Variants in GPC3 observed in about 807,000 individuals in gnomAD.
GPC3 encodes glypican 3.
A neutral mutation model predicts 34.4 loss-of-function variants in GPC3; 3 were observed. That is an observed-to-expected ratio of 0.09 (90% CI 0.04 to 0.23). The LOEUF (loss-of-function observed/expected upper bound fraction) is 0.23, where lower values mean the gene tolerates loss of function less well. Ranked by LOEUF, GPC3 falls within the 10% of genes least tolerant of loss-of-function variation. The pLI is 1.00. For synonymous variants in GPC3, 177 were observed against 174.0 expected (o/e 1.02, Z -0.13); for missense variants, 351 against 445.6 (o/e 0.79, Z 1.91).
At chrX:133,593,743 G>C (rs1230550914) in intron 7 of GPC3, among the ~76,000 whole-genome samples, 1 of 111,077 alleles carries the variant, frequency 9.0e-6, no homozygotes, top group African/African-American at 3.3e-5. Context: ...GAAGCCTGGA[G>C]ACCACCTACG....
At chrX:133,801,898 G>GGT (rs1333289084) in intron 2 of GPC3, among the ~76,000 whole-genome samples, 3 of 111,566 alleles carry the variant, frequency 2.7e-5, no homozygotes, top group South Asian at 3.7e-4. Flanking sequence ...ACCATCTAGT[G>GGT]GTGTGTGTGT....
At chrX:133,879,908 T>G (rs956687118) in intron 2 of GPC3, among the ~76,000 whole-genome samples, 2 of 112,175 alleles carry the variant, frequency 1.8e-5, no homozygotes, top group Non-Finnish European at 3.8e-5. Context: ...TTACATAGTT[T>G]AAACTGTTTA....
intron 5 of GPC3, among the ~76,000 whole-genome samples, chrX:133,684,794 G>A (rs946913875): frequency 1.5e-4 from 17 of 110,806 alleles, no homozygotes; most frequent in African/African-American, 3.6e-4. Context: ...CAACTGCTGC[G>A]TACCACTGGC....
At chrX:133,680,292 C>T (rs771719127) in intron 5 of GPC3, among the ~76,000 whole-genome samples, 1 of 111,914 alleles carries the variant, frequency 8.9e-6, no homozygotes, top group South Asian at 3.8e-4. Context: ...TATCCCTACC[C>T]CAGGTGGGAA....
intron 6 of GPC3, among the ~76,000 whole-genome samples, chrX:133,610,538 A>C (rs1244277660): frequency 9.1e-6 from 1 of 109,972 alleles, no homozygotes; most frequent in Non-Finnish European, 1.9e-5. Context: ...TTGTTAAATA[A>C]ATAGCTGTTA....
At chrX:133,812,261 A>C (rs2075669657) in intron 2 of GPC3, among the ~76,000 whole-genome samples, 1 of 112,258 alleles carries the variant, frequency 8.9e-6, no homozygotes, top group African/African-American at 3.2e-5. Context: ...TGACAGACAG[A>C]TCTAGTCTCA....
chrX:133,654,475 G>A (rs2070632764), intron 6 of GPC3, among the ~76,000 whole-genome samples: 1 of 111,456 alleles, frequency 9.0e-6, no homozygotes, highest in Admixed American at 9.5e-5. Context: ...ACTTTGGGAG[G>A]CCGAGGCAGG....
intron 3 of GPC3, chrX:133,704,247 G>A: frequency 9.2e-7 from 1 of 1,084,415 alleles, no homozygotes; most frequent in South Asian, 2.3e-5. Flanking sequence ...TAGGATATTT[G>A]AAGTGCCATA....
intron 2 of GPC3, among the ~76,000 whole-genome samples, chrX:133,867,574 T>C (rs889794794): frequency 1.4e-4 from 15 of 108,497 alleles, no homozygotes; most frequent in African/African-American, 5.0e-4. Flanking sequence ...TCTATCCCCA[T>C]AATATTGACA....
chrX:133,719,718 A>G (rs1257783382), intron 3 of GPC3, among the ~76,000 whole-genome samples: 1 of 112,514 alleles, frequency 8.9e-6, no homozygotes, highest in Non-Finnish European at 1.9e-5. Context: ...AATAAATGGG[A>G]CCTAATTAAA....
intron 2 of GPC3, among the ~76,000 whole-genome samples, chrX:133,831,032 T>A (rs910152664): frequency 1.8e-5 from 2 of 111,686 alleles, no homozygotes; most frequent in African/African-American, 6.5e-5. Flanking sequence ...TAATTCCATT[T>A]ATACAATGTT....
chrX:133,833,547 A>G (rs1161748946), intron 2 of GPC3, among the ~76,000 whole-genome samples: 1 of 111,523 alleles, frequency 9.0e-6, no homozygotes, highest in Non-Finnish European at 1.9e-5. Flanking sequence ...CAGGGCCACA[A>G]CCCAGCCACC....
At chrX:133,687,667 C>G (rs921599090) in intron 5 of GPC3, among the ~76,000 whole-genome samples, 1 of 110,845 alleles carries the variant, frequency 9.0e-6, no homozygotes, top group Non-Finnish European at 1.9e-5. Flanking sequence ...AACTTGTGAT[C>G]TGCCTGCCTC....
chrX:133,949,191 A>T (rs1365168974), intron 2 of GPC3, among the ~76,000 whole-genome samples: 1 of 112,372 alleles, frequency 8.9e-6, no homozygotes, highest in Non-Finnish European at 1.9e-5. Context: ...CGCTGATCTT[A>T]AGCACTGAGG....
chrX:133,790,519 A>G (rs2072149665), intron 2 of GPC3, among the ~76,000 whole-genome samples: 1 of 112,075 alleles, frequency 8.9e-6, no homozygotes, highest in African/African-American at 3.2e-5. Flanking sequence ...TGAAATATAC[A>G]TATCTTTCAA....
At position 133,535,885 on chromosome X, in the gene GPC3, GT is replaced by G. The variant is rs2069281174; in HGVS notation, c.*238del. The G allele has an allele frequency of 7.9e-6, 3 of 377,734 alleles. No individual in the cohort carries two copies. Among genetic ancestry groups the G allele is most frequent in the East Asian group, 4.0e-5 (1 of 24,923 alleles). 31.1% of individuals were successfully genotyped at this position (377,734 alleles called of 1,213,427 possible). Reference sequence around the variant, plus strand: ...GAGAATAATTTGGCACAACTTGATGGTTTTTTTTCTTTCTTTGCAAAAGGAC... The same window carrying G: ...GAGAATAATTTGGCACAACTTGATGGTTTTTTTCTTTCTTTGCAAAAGGAC... On this transcript the variant is annotated 3_prime_UTR_variant, in exon 8 of 8. Transcript: ENST00000370818.
intron 2 of GPC3, among the ~76,000 whole-genome samples, chrX:133,937,618 G>C (rs1268157841): frequency 9.1e-6 from 1 of 110,473 alleles, no homozygotes; most frequent in Non-Finnish European, 1.9e-5. Flanking sequence ...AAATGAGAAA[G>C]CCTATGCTCA....
intron 6 of GPC3, among the ~76,000 whole-genome samples, chrX:133,636,319 C>A (rs770972989): frequency 1.8e-5 from 2 of 111,901 alleles, no homozygotes; most frequent in East Asian, 5.6e-4. Flanking sequence ...TCAACAGATG[C>A]GATTACCAGA....
chrX:133,643,532 G>A (rs1443122898), intron 6 of GPC3, among the ~76,000 whole-genome samples: 1 of 111,264 alleles, frequency 9.0e-6, no homozygotes, highest in African/African-American at 3.3e-5. Flanking sequence ...GTACAGAGAG[G>A]TATAAAAAAA....
Sources: allele counts gnomAD v4.1 joint callset (sites outside exome capture counted in the v4.1 genomes callset), GRCh38; gene constraint gnomAD v4.1.1; transcripts MANE v1.5; gene names NCBI Gene and HGNC (gene_info 2026-07-23, HGNC 2026-07-21).